The following SPAG17 variants were observed in gnomAD, a reference collection of about 807,000 sequenced individuals.
SPAG17 encodes sperm associated antigen 17, also known as sperm-associated antigen 17.
A neutral mutation model predicts 273.6 loss-of-function variants in SPAG17; 169 were observed. The ratio of observed to expected loss-of-function variants is 0.62; its 90% CI spans 0.55 to 0.70. The LOEUF (loss-of-function observed/expected upper bound fraction) is 0.70, where lower values mean the gene tolerates loss of function less well. SPAG17 is among the 30% of genes least tolerant of loss of function. The pLI, the probability that SPAG17 is intolerant of heterozygous loss-of-function variation, is 0.00. For synonymous variants in SPAG17, 825 were observed against 873.2 expected, an observed-to-expected ratio of 0.94 and a Z score of 0.97; for missense variants, 2,557 against 2,627.8, an observed-to-expected ratio of 0.97 and a Z score of 0.59.
At chr1:118,100,708 A>G (rs545864371) in intron 5 of SPAG17, among the ~76,000 whole-genome samples, 52 of 152,214 alleles carry the variant, frequency 3.4e-4, no homozygotes, top group Non-Finnish European at 6.0e-4. Context: ...AAAGGATGGG[A>G]AAGCCCTCTG....
intron 3 of SPAG17, among the ~76,000 whole-genome samples, chr1:118,126,893 T>C (rs1657766988): frequency 7.5e-6 from 1 of 134,192 alleles, no homozygotes; most frequent in African/African-American, 2.6e-5. Flanking sequence ...TCTACTTTCA[T>C]TCTTCTGCAT....
At position 117,963,863 on chromosome 1, in the gene SPAG17, C is replaced by G; in HGVS notation, c.6608G>C (p.Arg2203Thr). Reference protein sequence around the residue: ...PQGKENPMVQRTSTIYSSTLG... With the variant: ...PQGKENPMVQTTSTIYSSTLG... ...TGTGGAGGAATAAATTGTAGAAGTTCTCTGGACCATTGGATTTTCTTTTCC... is the reference window on the plus strand; with the variant it reads ...TGTGGAGGAATAAATTGTAGAAGTTGTCTGGACCATTGGATTTTCTTTTCC... Residue 2203 changes from arginine (R) to threonine (T), a missense_variant, in exon 48 of 49, where the codon AGA becomes ACA. By Grantham distance (71) the Arg-to-Thr change is moderately conservative. Transcript: ENST00000336338. The G allele has an allele frequency of 1.2e-6, 2 of 1,613,922 alleles. No homozygotes were observed. Among genetic ancestry groups the G allele is most frequent in the Non-Finnish European group, 1.7e-6 (2 of 1,179,848 alleles).
intron 26 of SPAG17, among the ~76,000 whole-genome samples, chr1:118,027,911 C>A (rs765563443): frequency 6.6e-6 from 1 of 152,180 alleles, no homozygotes; most frequent in African/African-American, 2.4e-5. Context: ...GAGGCAAGAA[C>A]ACAGGGATAC....
In SPAG17 at chr1:118,091,589, G is replaced by C; in HGVS notation, c.1359+17C>G. ...ACGACTTACTCAAGTATACAACCTG[G>C]GAAAAAGCCTCCCCACCTGTTCCAG... On this transcript the variant is annotated intron_variant, in intron 10 of 48. Transcript: ENST00000336338. 1 of 1,458,080 alleles carries C rather than the reference G, an allele frequency of 6.9e-7. No individual in the cohort carries two copies. Among genetic ancestry groups the C allele is most frequent in the Non-Finnish European group, 9.6e-7 (1 of 1,041,678 alleles). The allele number at this position is 1,458,080 out of a possible 1,614,324, so 90.3% of individuals were successfully genotyped here.
intron 1 of SPAG17, among the ~76,000 whole-genome samples, chr1:118,156,915 T>C (rs896412713): frequency 6.6e-6 from 1 of 152,066 alleles, no homozygotes; most frequent in African/African-American, 2.4e-5. Context: ...GTGTGTGCTG[T>C]CATGTTCCAT....
chr1:118,013,479 G>C (rs1191608274), intron 29 of SPAG17, among the ~76,000 whole-genome samples: 1 of 152,116 alleles, frequency 6.6e-6, no homozygotes, highest in Non-Finnish European at 1.5e-5. Flanking sequence ...ATGAGCTCTG[G>C]GGTTAAGCTG....
intron 3 of SPAG17, among the ~76,000 whole-genome samples, chr1:118,122,895 G>C (rs1657499110): frequency 6.6e-6 from 1 of 152,148 alleles, no homozygotes; most frequent in African/African-American, 2.4e-5. Context: ...ATGGAATGAG[G>C]AGCAACTGGG....
chr1:118,115,560 T>C, intron 3 of SPAG17, 119 bp from the exon 4 acceptor site: 1 of 1,069,888 alleles, frequency 9.3e-7, no homozygotes, highest in Non-Finnish European at 1.3e-6. Context: ...AGATACTTCA[T>C]TGCTGGCTGA....
chr1:118,014,152 T>C (rs963026354), intron 29 of SPAG17, among the ~76,000 whole-genome samples: 1 of 152,238 alleles, frequency 6.6e-6, no homozygotes, highest in Non-Finnish European at 1.5e-5. Flanking sequence ...TGTAGCTTAG[T>C]TGCCTCATCT....
intron 30 of SPAG17, among the ~76,000 whole-genome samples, chr1:118,010,008 G>A (rs976869421): frequency 1.3e-5 from 2 of 152,034 alleles, no homozygotes; most frequent in Non-Finnish European, 2.9e-5. Context: ...AAGACAAATA[G>A]CACACTTATA....
At chr1:118,085,515 TGCGTGCATACGCGTGCGC>T (rs1458092273) in intron 13 of SPAG17, among the ~76,000 whole-genome samples, 2 of 152,152 alleles carry the variant, frequency 1.3e-5, no homozygotes, top group Admixed American at 6.5e-5. Flanking sequence ...CGTGCATGCG[TGCGTGCATACGCGTGCGC>T]GCGCGCACAC....
chr1:118,095,113 GC>G (rs541732432), intron 7 of SPAG17, among the ~76,000 whole-genome samples: 326 of 152,190 alleles, frequency 2.1e-3, no homozygotes, highest in African/African-American at 7.6e-3. Context: ...AACTTTAATT[GC>G]CATTTAAACT....
chr1:118,090,858 A>T (rs1258769900), intron 10 of SPAG17, among the ~76,000 whole-genome samples: 1 of 152,100 alleles, frequency 6.6e-6, no homozygotes, highest in Non-Finnish European at 1.5e-5. Context: ...ACTCCAGCCT[A>T]GGGGACAGAG....
Position 117,984,776 on chromosome 1 carries a change from T to C in SPAG17, c.5676A>G (p.Glu1892=), listed in dbSNP as rs1656222176. 1 of 1,597,730 alleles carries C rather than the reference T, an allele frequency of 6.3e-7. No homozygotes were observed. Among genetic ancestry groups the C allele is most frequent in the East Asian group, 2.2e-5 (1 of 44,658 alleles). The change falls in exon 41 of 49, where the codon GAA becomes GAG. Residue 1892 remains glutamate (E), a synonymous_variant. Coordinates refer to ENST00000336338, the MANE Select transcript of SPAG17 (RefSeq NM_206996.4). ...WKEKIDKTRK[E]IETTQNYLMD... is the part of the protein sequence containing the mutation. ...TTAGGTAATTCTGTGTTGTCTCAATTTCCTTCCTGGTTGATGTTTCCATGA... is the reference window on the plus strand; with the variant it reads ...TTAGGTAATTCTGTGTTGTCTCAATCTCCTTCCTGGTTGATGTTTCCATGA...
intron 35 of SPAG17, among the ~76,000 whole-genome samples, chr1:117,993,772 T>C (rs1258464207): frequency 1.3e-5 from 2 of 152,218 alleles, no homozygotes; most frequent in African/African-American, 4.8e-5. Flanking sequence ...CCTGACAATA[T>C]GTTGGACATG....
chr1:118,155,222 CACTT>C (rs1263980480), intron 1 of SPAG17, among the ~76,000 whole-genome samples: 2 of 152,192 alleles, frequency 1.3e-5, no homozygotes, highest in East Asian at 3.9e-4. Flanking sequence ...TTAACCCAGA[CACTT>C]ACATAGTAGT....
chr1:118,039,168 T>A, intron 23 of SPAG17, 124 bp downstream of exon 23: 1 of 1,023,698 alleles, frequency 9.8e-7, no homozygotes, highest in Non-Finnish European at 1.4e-6. Flanking sequence ...GCACTATTAA[T>A]AAGAGAGTGT....
At chr1:117,959,333 G>C (rs780969734) in intron 48 of SPAG17, 1 of 1,613,880 alleles carries the variant, frequency 6.2e-7, no homozygotes, top group Non-Finnish European at 8.5e-7. Flanking sequence ...ATTATCTCAA[G>C]AGGGAATGCG....
At chr1:118,049,728 G>C (rs139871990) in intron 20 of SPAG17, among the ~76,000 whole-genome samples, 51 of 152,142 alleles carry the variant, frequency 3.4e-4, no homozygotes, top group African/African-American at 1.2e-3. Context: ...CAATCTTGAG[G>C]AAAAATAAAA....
Sources: gnomAD v4.1 joint callset for allele counts (sites outside exome capture counted in the v4.1 genomes callset) on GRCh38, gnomAD v4.1.1 for gene constraint, MANE v1.5 for transcripts, NCBI Gene and HGNC (gene_info 2026-07-23, HGNC 2026-07-21) for gene names.